The following HTR1F variants were observed in gnomAD, a reference collection of about 807,000 sequenced individuals.
The protein encoded by HTR1F is 5-hydroxytryptamine receptor 1F.
A neutral mutation model predicts 24.0 loss-of-function variants in HTR1F; 17 were observed. The observed-to-expected ratio is 0.71, with a 90% CI of 0.48 to 1.06. The LOEUF (loss-of-function observed/expected upper bound fraction) is 1.06. HTR1F is among the 50% of genes least tolerant of loss of function. The pLI, the probability that HTR1F is intolerant of heterozygous loss-of-function variation, is 0.00. For synonymous variants in HTR1F, 186 were observed against 156.8 expected, an observed-to-expected ratio of 1.19 and a Z score of -1.39; for missense variants, 391 against 427.8, an observed-to-expected ratio of 0.91 and a Z score of 0.76.
chr3:87,925,411 G>T (rs1210515578), intron 2 of HTR1F, among the ~76,000 whole-genome samples: 1 of 152,102 alleles, frequency 6.6e-6, no homozygotes, highest in Non-Finnish European at 1.5e-5. Context: ...CAGCTGTACT[G>T]GACCACTTCT....
chr3:87,931,508 TA>T (rs1409930095), intron 2 of HTR1F, among the ~76,000 whole-genome samples: 3 of 152,198 alleles, frequency 2.0e-5, no homozygotes, highest in Non-Finnish European at 2.9e-5. Flanking sequence ...GCAATAAACA[TA>T]CGTGTGCATG....
At chr3:87,945,226 G>C (rs1313613385) in intron 2 of HTR1F, among the ~76,000 whole-genome samples, 1 of 151,892 alleles carries the variant, frequency 6.6e-6, no homozygotes. Context: ...TGCCCATGTC[G>C]AGAGCTGTAC....
At chr3:87,813,421 A>G (rs1313038025) in intron 1 of HTR1F, among the ~76,000 whole-genome samples, 2 of 152,184 alleles carry the variant, frequency 1.3e-5, no homozygotes, top group African/African-American at 2.4e-5. Context: ...TTATATCTTG[A>G]AAGTAACTAA....
chr3:87,794,743 G>A (rs6777373), intron 1 of HTR1F, among the ~76,000 whole-genome samples: 19,115 of 152,000 alleles, frequency 0.13, 3,756 homozygotes, highest in African/African-American at 0.42. Context: ...CCATCTTGCC[G>A]CATTAGCCAA....
At chr3:87,887,494 G>A (rs1705977288) in intron 2 of HTR1F, among the ~76,000 whole-genome samples, 1 of 152,134 alleles carries the variant, frequency 6.6e-6, no homozygotes, top group South Asian at 2.1e-4. Context: ...TTAAACTAAA[G>A]AGCTTCTGCA....
chr3:87,915,520 G>C (rs1018097307), intron 2 of HTR1F, among the ~76,000 whole-genome samples: 3 of 152,008 alleles, frequency 2.0e-5, no homozygotes, highest in Non-Finnish European at 4.4e-5. Flanking sequence ...AACAATAAAA[G>C]CTTCAGGAAA....
At chr3:87,844,354 T>C (rs1227072584) in intron 2 of HTR1F, among the ~76,000 whole-genome samples, 26 of 141,756 alleles carry the variant, frequency 1.8e-4, no homozygotes, top group Non-Finnish European at 2.9e-4. Flanking sequence ...TCATGTCCTT[T>C]GCCCACTTTT....
In HTR1F at chr3:87,989,255, CT is replaced by C. The variant is rs201867083; in HGVS notation, c.-42-1448del. Among the ~76,000 whole-genome samples, 721 of 152,084 alleles carry C rather than the reference CT, an allele frequency of 4.7e-3. 5 individuals carry two copies. Among genetic ancestry groups the C allele is most frequent in the Middle Eastern group, 0.017 (5 of 294 alleles). Reference sequence around the variant, plus strand: ...ACTTATAAGCCATGAATGGAGAGTCCTTTTTCAGAAGCAAGGTAACCCGGTC... The same window carrying C: ...ACTTATAAGCCATGAATGGAGAGTCCTTTTCAGAAGCAAGGTAACCCGGTC... On this transcript the variant is annotated intron_variant, in intron 2 of 2. Coordinates refer to ENST00000319595, the MANE Select transcript of HTR1F (RefSeq NM_001322209.2).
chr3:87,912,593 T>TA (rs33961897), intron 2 of HTR1F, among the ~76,000 whole-genome samples: 45,636 of 91,512 alleles, frequency 0.5, 9,179 homozygotes, highest in African/African-American at 0.59. Flanking sequence ...GTATAAAGTT[T>TA]AAAAAAAAAA....
chr3:87,907,300 C>CGA (rs1188360491), intron 2 of HTR1F, among the ~76,000 whole-genome samples: 6 of 149,992 alleles, frequency 4.0e-5, no homozygotes, highest in African/African-American at 1.5e-4. Flanking sequence ...AGTGTTTTTT[C>CGA]ATGTTCATTG....
At chr3:87,851,305 T>G (rs1559605565) in intron 2 of HTR1F, among the ~76,000 whole-genome samples, 1 of 151,616 alleles carries the variant, frequency 6.6e-6, no homozygotes, top group Non-Finnish European at 1.5e-5. Context: ...ATTGTTTATG[T>G]ATATATTATT....
At chr3:87,859,428 A>G (rs376680854) in intron 2 of HTR1F, among the ~76,000 whole-genome samples, 1 of 152,198 alleles carries the variant, frequency 6.6e-6, no homozygotes, top group Admixed American at 6.5e-5. Flanking sequence ...ATGAGGTACT[A>G]ATAGAATGCT....
intron 2 of HTR1F, among the ~76,000 whole-genome samples, chr3:87,932,010 T>C (rs972278889): frequency 4.6e-5 from 7 of 152,184 alleles, no homozygotes; most frequent in Non-Finnish European, 8.8e-5. Flanking sequence ...TTCACTCTGA[T>C]GGTAGTTTCT....
chr3:87,869,974 C>G lies in HTR1F; in HGVS notation c.-43+47850C>G, dbSNP rs367584868. 2.6e-5 allele frequency among the ~76,000 whole-genome samples: 4 copies of G among 152,076 alleles called. No homozygotes were observed. In the East Asian group the frequency reaches 5.8e-4, roughly 22 times the overall value. On this transcript the variant is annotated intron_variant, in intron 2 of 2. Coordinates refer to ENST00000319595, the MANE Select transcript of HTR1F (RefSeq NM_001322209.2). Reference sequence around the variant, plus strand: ...TAAGATACAATTCTCAGTTTGCTAACCTATCATTAGTAAACTATAGTAAAA... The same window carrying G: ...TAAGATACAATTCTCAGTTTGCTAAGCTATCATTAGTAAACTATAGTAAAA...
At chr3:87,856,072 G>A (rs1349359553) in intron 2 of HTR1F, among the ~76,000 whole-genome samples, 1 of 151,962 alleles carries the variant, frequency 6.6e-6, no homozygotes, top group Non-Finnish European at 1.5e-5. Context: ...AAGATGTATA[G>A]TAAAAAGATA....
At chr3:87,832,779 G>T (rs1442572771) in intron 2 of HTR1F, among the ~76,000 whole-genome samples, 2 of 152,244 alleles carry the variant, frequency 1.3e-5, no homozygotes, top group East Asian at 3.9e-4. Flanking sequence ...ACATTATCAA[G>T]ATTACATATT....
intron 2 of HTR1F, among the ~76,000 whole-genome samples, chr3:87,944,220 G>T (rs1340891210): frequency 6.6e-6 from 1 of 152,128 alleles, no homozygotes; most frequent in Non-Finnish European, 1.5e-5. Context: ...GCTGGACTGG[G>T]TTCCAGAGTA....
At chr3:87,896,614 T>A (rs1489100650) in intron 2 of HTR1F, among the ~76,000 whole-genome samples, 1 of 151,934 alleles carries the variant, frequency 6.6e-6, no homozygotes, top group African/African-American at 2.4e-5. Context: ...AAGGAAACAA[T>A]CAACAAAGTG....
At chr3:87,836,179 G>T (rs1236441059) in intron 2 of HTR1F, among the ~76,000 whole-genome samples, 1 of 152,134 alleles carries the variant, frequency 6.6e-6, no homozygotes, top group Non-Finnish European at 1.5e-5. Context: ...TGTGATTCTA[G>T]TCAACCAATT....
Sources: allele counts gnomAD v4.1 joint callset (sites outside exome capture counted in the v4.1 genomes callset), GRCh38; gene constraint gnomAD v4.1.1; transcripts MANE v1.5; gene names NCBI Gene and HGNC (gene_info 2026-07-23, HGNC 2026-07-21).